The following MEMO1 variants were observed in gnomAD, a reference collection of about 807,000 sequenced individuals.
MEMO1 encodes the protein protein MEMO1.
In MEMO1, 6 loss-of-function variants were observed where a neutral mutation model predicts 45.2. That is an observed-to-expected ratio of 0.13 (90% confidence interval 0.07 to 0.26). MEMO1 has a LOEUF of 0.26. Ranked by LOEUF, MEMO1 falls within the 10% of genes least tolerant of loss-of-function variation. The probability of loss-of-function intolerance (pLI) is 1.00; values close to 1 mark genes in which losing one functional copy is unlikely to be tolerated. For missense variants in MEMO1, 184 were observed against 370.5 expected (o/e 0.50, Z 4.13); for synonymous variants, 78 against 124.3 (o/e 0.63, Z 2.48).
intron 2 of MEMO1, among the ~76,000 whole-genome samples, chr2:32,000,587 A>C (rs986491495): frequency 7.3e-5 from 11 of 151,156 alleles, no homozygotes; most frequent in African/African-American, 2.4e-4. Flanking sequence ...GCTGGTCTCA[A>C]ACTCCTGACC....
At chr2:31,923,515 C>G in intron 4 of MEMO1, 5 of 1,078,306 alleles carry the variant, frequency 4.6e-6, no homozygotes, top group Non-Finnish European at 6.2e-6. Context: ...ACTCTGGTCA[C>G]CTATCTTAAT....
At chr2:31,890,111 T>G (rs1429493710) in intron 7 of MEMO1, among the ~76,000 whole-genome samples, 1 of 152,176 alleles carries the variant, frequency 6.6e-6, no homozygotes, top group Non-Finnish European at 1.5e-5. Context: ...TTGGTTACTT[T>G]AGAATTCTTT....
chr2:31,971,784 A>G (rs1343225161), intron 2 of MEMO1, among the ~76,000 whole-genome samples: 1 of 152,174 alleles, frequency 6.6e-6, no homozygotes, highest in Non-Finnish European at 1.5e-5. Flanking sequence ...AGCCTGGCCA[A>G]CATAGTGAAA....
At chr2:31,992,944 A>G (rs1428964331) in intron 2 of MEMO1, among the ~76,000 whole-genome samples, 2 of 152,192 alleles carry the variant, frequency 1.3e-5, no homozygotes, top group African/African-American at 4.8e-5. Context: ...TGGAAAAAAA[A>G]TCATCAGAAA....
At chr2:31,911,188 A>G (rs1353162452) in intron 6 of MEMO1, among the ~76,000 whole-genome samples, 2 of 152,218 alleles carry the variant, frequency 1.3e-5, no homozygotes, top group South Asian at 2.1e-4. Context: ...ATGAAATACT[A>G]TTCAGTGATA....
chr2:31,979,199 C>T (rs1158773602), intron 2 of MEMO1, among the ~76,000 whole-genome samples: 1 of 152,074 alleles, frequency 6.6e-6, no homozygotes, highest in Non-Finnish European at 1.5e-5. Flanking sequence ...TCCCTCACTA[C>T]GATGAGAACA....
intron 7 of MEMO1, among the ~76,000 whole-genome samples, chr2:31,890,329 C>A (rs1011070398): frequency 6.6e-6 from 1 of 152,036 alleles, no homozygotes; most frequent in Non-Finnish European, 1.5e-5. Context: ...ACACTTGCTT[C>A]AAGAATTTTA....
At chr2:31,953,480 G>A (rs919621810) in intron 2 of MEMO1, among the ~76,000 whole-genome samples, 11 of 150,532 alleles carry the variant, frequency 7.3e-5, no homozygotes, top group African/African-American at 2.7e-4. Flanking sequence ...TTTTGAGACG[G>A]AGTCTCGCTC....
At chr2:31,980,546 C>G (rs1482434256) in intron 2 of MEMO1, among the ~76,000 whole-genome samples, 1 of 152,130 alleles carries the variant, frequency 6.6e-6, no homozygotes, top group Non-Finnish European at 1.5e-5. Flanking sequence ...TACTTGAACT[C>G]TGTCATTTCA....
intron 6 of MEMO1, among the ~76,000 whole-genome samples, chr2:31,909,640 T>G (rs1291537117): frequency 6.6e-6 from 1 of 152,210 alleles, no homozygotes. Flanking sequence ...AGATATCCCA[T>G]GTTCATGGAT....
At chr2:31,891,628 A>G (rs1676999790) in intron 7 of MEMO1, among the ~76,000 whole-genome samples, 1 of 152,152 alleles carries the variant, frequency 6.6e-6, no homozygotes, top group Non-Finnish European at 1.5e-5. Context: ...GTGCTCTTCT[A>G]TACTCTAAAG....
chr2:31,907,866 T>C (rs1679999067), intron 6 of MEMO1, among the ~76,000 whole-genome samples: 1 of 151,312 alleles, frequency 6.6e-6, no homozygotes, highest in Non-Finnish European at 1.5e-5. Flanking sequence ...GATGAAAAAT[T>C]ACCATTTGGA....
At chr2:31,973,788 A>C (rs1483814179) in intron 2 of MEMO1, among the ~76,000 whole-genome samples, 1 of 152,194 alleles carries the variant, frequency 6.6e-6, no homozygotes, top group Non-Finnish European at 1.5e-5. Flanking sequence ...AACAGAAAGC[A>C]GATTTGTGGT....
intron 2 of MEMO1, among the ~76,000 whole-genome samples, chr2:31,969,771 A>C (rs1200892829): frequency 6.8e-6 from 1 of 146,104 alleles, no homozygotes; most frequent in African/African-American, 2.6e-5. Flanking sequence ...CACTACACCC[A>C]ACTAACTTTT....
chr2:31,963,357 T>C, intron 2 of MEMO1: 1 of 1,225,658 alleles, frequency 8.2e-7, no homozygotes, highest in Non-Finnish European at 1.0e-6. Context: ...CATACCCTAC[T>C]GGTTCTGTTT....
At chr2:31,954,251 T>C (rs1460001238) in intron 2 of MEMO1, among the ~76,000 whole-genome samples, 2 of 152,182 alleles carry the variant, frequency 1.3e-5, no homozygotes, top group Admixed American at 1.3e-4. Context: ...CCTTTAAATC[T>C]TTTTAACTAA....
intron 2 of MEMO1, among the ~76,000 whole-genome samples, chr2:31,958,665 G>C (rs1667667547): frequency 6.6e-6 from 1 of 152,050 alleles, no homozygotes. Context: ...GTTTCATTTT[G>C]TTTTGAGACA....
At chr2:31,957,393 T>C (rs966737018) in intron 2 of MEMO1, among the ~76,000 whole-genome samples, 1 of 152,220 alleles carries the variant, frequency 6.6e-6, no homozygotes, top group Non-Finnish European at 1.5e-5. Context: ...ATGCTAAACC[T>C]GGCTAAAAAC....
chr2:31,890,808 C>A (rs1039058365), intron 7 of MEMO1, among the ~76,000 whole-genome samples: 1 of 152,106 alleles, frequency 6.6e-6, no homozygotes, highest in Non-Finnish European at 1.5e-5. Context: ...TCATTAGATA[C>A]CATTAGTATT....
Sources: allele counts gnomAD v4.1 joint callset (sites outside exome capture counted in the v4.1 genomes callset), GRCh38; gene constraint gnomAD v4.1.1; transcripts MANE v1.5; gene names NCBI Gene and HGNC (gene_info 2026-07-23, HGNC 2026-07-21).